Variants in ADAMTS19 observed in about 807,000 individuals in gnomAD.
The protein encoded by ADAMTS19 is A disintegrin and metalloproteinase with thrombospondin motifs 19.
ADAMTS19 carries 93 observed loss-of-function variants against 153.3 expected under a neutral mutation model. That is an observed-to-expected ratio of 0.61 (90% CI 0.51 to 0.72). ADAMTS19 has a LOEUF of 0.72. Ranked by LOEUF, ADAMTS19 falls within the 30% of genes least tolerant of loss-of-function variation. The probability of loss-of-function intolerance (pLI) is 0.00; values close to 1 mark genes in which losing one functional copy is unlikely to be tolerated. For missense variants in ADAMTS19, 1,482 were observed against 1,552.1 expected (o/e 0.95, Z 0.76); for synonymous variants, 600 against 556.6 (o/e 1.08, Z -1.10).
chr5:129,578,041 T>TACACACACACACACAC (rs748371915), intron 7 of ADAMTS19, among the ~76,000 whole-genome samples: 1 of 98,576 alleles, frequency 1.0e-5, no homozygotes, highest in Admixed American at 9.6e-5. Context: ...CAAACTTACA[T>TACACACACACACACAC]ACACACACAC....
intron 21 of ADAMTS19, among the ~76,000 whole-genome samples, chr5:129,733,961 G>A (rs917563969): frequency 1.3e-3 from 47 of 36,126 alleles, no homozygotes; most frequent in Non-Finnish European, 2.1e-3. Context: ...GTGTGTGTGT[G>A]TGTGTGTGTG....
chr5:129,679,736 C>A (rs372713956), intron 16 of ADAMTS19, 28 bp from the exon 17 acceptor site: 272 of 1,543,120 alleles, frequency 1.8e-4, no homozygotes, highest in Non-Finnish European at 2.3e-4. Context: ...CTTGTTAATA[C>A]TCATTATATT....
intron 21 of ADAMTS19, among the ~76,000 whole-genome samples, chr5:129,729,718 G>T (rs1024011936): frequency 6.6e-6 from 1 of 151,790 alleles, no homozygotes; most frequent in African/African-American, 2.4e-5. Context: ...TTTATAAAAG[G>T]TGCTATTCAG....
intron 7 of ADAMTS19, 25 bp from the exon 8 acceptor site, chr5:129,596,529 CATATA>C: frequency 7.1e-7 from 1 of 1,402,784 alleles, no homozygotes; most frequent in Non-Finnish European, 9.9e-7. Context: ...TTCATTCAGA[CATATA>C]ATAATTAATG....
At chr5:129,694,602 T>C (rs1327762560) in intron 18 of ADAMTS19, 118 bp from the exon 19 acceptor site, 3 of 570,296 alleles carry the variant, frequency 5.3e-6, no homozygotes, top group Non-Finnish European at 7.5e-6. Context: ...AAAATAAAAA[T>C]TTAAATTATA....
At chr5:129,696,412 T>A (rs989562543) in intron 19 of ADAMTS19, among the ~76,000 whole-genome samples, 2 of 152,084 alleles carry the variant, frequency 1.3e-5, no homozygotes, top group African/African-American at 4.8e-5. Context: ...AAACTACATC[T>A]AAAAAAAGAA....
chr5:129,657,877 T>C (rs1303156565), intron 14 of ADAMTS19, among the ~76,000 whole-genome samples: 1 of 152,220 alleles, frequency 6.6e-6, no homozygotes, highest in Non-Finnish European at 1.5e-5. Flanking sequence ...GAAATTAAAC[T>C]AATCATGTTG....
intron 2 of ADAMTS19, among the ~76,000 whole-genome samples, chr5:129,467,859 G>T (rs1394860890): frequency 1.3e-5 from 2 of 152,196 alleles, no homozygotes; most frequent in Admixed American, 6.5e-5. Context: ...GGTAACCAGG[G>T]TTATCTGCTT....
At chr5:129,677,813 C>CT (rs1394417821) in intron 16 of ADAMTS19, among the ~76,000 whole-genome samples, 2 of 152,014 alleles carry the variant, frequency 1.3e-5, no homozygotes, top group Non-Finnish European at 2.9e-5. Context: ...TAAAGCTTTA[C>CT]TTTCCCCCCC....
chr5:129,716,492 C>T (rs1346074375), intron 21 of ADAMTS19, among the ~76,000 whole-genome samples: 2 of 152,082 alleles, frequency 1.3e-5, no homozygotes, highest in Non-Finnish European at 2.9e-5. Flanking sequence ...CCACCAAGCC[C>T]GGCCCTCATC....
intron 15 of ADAMTS19, among the ~76,000 whole-genome samples, chr5:129,663,032 C>A (rs1753885020): frequency 4.0e-5 from 6 of 151,488 alleles, no homozygotes; most frequent in Admixed American, 4.0e-4. Context: ...GTAGTTGGGA[C>A]TACAGGCATG....
At chr5:129,500,800 C>T (rs142069029) in intron 2 of ADAMTS19, among the ~76,000 whole-genome samples, 79 of 151,774 alleles carry the variant, frequency 5.2e-4, no homozygotes, top group African/African-American at 1.9e-3. Flanking sequence ...AAAGTTGATA[C>T]TAATAAGCAT....
chr5:129,475,579 T>G (rs559521797), intron 2 of ADAMTS19, among the ~76,000 whole-genome samples: 1 of 152,348 alleles, frequency 6.6e-6, no homozygotes, highest in African/African-American at 2.4e-5. Context: ...ATGCCTGTAA[T>G]CCCAGCACTT....
At chr5:129,472,374 AG>A (rs1367914329) in intron 2 of ADAMTS19, among the ~76,000 whole-genome samples, 2 of 152,200 alleles carry the variant, frequency 1.3e-5, no homozygotes, top group Non-Finnish European at 2.9e-5. Flanking sequence ...TCATACCCTA[AG>A]GATCTTGCAT....
At chr5:129,554,808 C>T (rs62398980) in intron 7 of ADAMTS19, among the ~76,000 whole-genome samples, 9,263 of 152,030 alleles carry the variant, frequency 0.061, 419 homozygotes, top group Non-Finnish European at 0.088. Flanking sequence ...AAATATGGCG[C>T]AATATTAATA....
At chr5:129,735,911 T>A (rs1332749129) in intron 22 of ADAMTS19, among the ~76,000 whole-genome samples, 1 of 151,984 alleles carries the variant, frequency 6.6e-6, no homozygotes, top group Non-Finnish European at 1.5e-5. Flanking sequence ...GTGCATATAA[T>A]CTCCAGGGGA....
chr5:129,653,872 C>T (rs188931625), intron 13 of ADAMTS19, among the ~76,000 whole-genome samples: 1 of 151,922 alleles, frequency 6.6e-6, no homozygotes, highest in East Asian at 1.9e-4. Flanking sequence ...AGAAGTAAGA[C>T]ATCAATAAAT....
chr5:129,610,656 A>T (rs1009224076), intron 8 of ADAMTS19, among the ~76,000 whole-genome samples: 10 of 152,128 alleles, frequency 6.6e-5, no homozygotes, highest in African/African-American at 2.4e-4. Context: ...TCCATGGTGT[A>T]TATGTGCCAC....
intron 14 of ADAMTS19, among the ~76,000 whole-genome samples, chr5:129,655,501 C>T (rs2127058376): frequency 6.6e-6 from 1 of 152,290 alleles, no homozygotes; most frequent in East Asian, 1.9e-4. Flanking sequence ...GGGCAAATCA[C>T]TTAAAATATA....
Sources: gnomAD v4.1 joint callset for allele counts (sites outside exome capture counted in the v4.1 genomes callset) on GRCh38, gnomAD v4.1.1 for gene constraint, MANE v1.5 for transcripts, NCBI Gene and HGNC (gene_info 2026-07-23, HGNC 2026-07-21) for gene names.